Variants in SAMHD1 observed in about 807,000 individuals in gnomAD.
SAMHD1 encodes the protein SAM and HD domain containing deoxynucleoside triphosphate triphosphohydrolase 1.
A neutral mutation model predicts 79.6 loss-of-function variants in SAMHD1; 54 were observed. That is an observed-to-expected ratio of 0.68 (90% CI 0.55 to 0.85). The LOEUF (loss-of-function observed/expected upper bound fraction) is 0.85, where lower values mean the gene tolerates loss of function less well. Ranked by LOEUF, SAMHD1 falls within the 40% of genes least tolerant of loss-of-function variation. The pLI is 0.00. For synonymous variants in SAMHD1, 260 were observed against 264.1 expected (o/e 0.98, Z 0.15); for missense variants, 663 against 782.7 (o/e 0.85, Z 1.82).
At chr20:36,948,126 A>C (rs753755751) in intron 1 of SAMHD1, among the ~76,000 whole-genome samples, 19 of 152,140 alleles carry the variant, frequency 1.2e-4, no homozygotes, top group Non-Finnish European at 1.8e-4. Context: ...ATCATCGGTA[A>C]AATGTGTTGA....
intron 12 of SAMHD1, chr20:36,905,053 T>G: frequency 2.8e-6 from 1 of 362,364 alleles, no homozygotes; most frequent in Non-Finnish European, 5.2e-6. Flanking sequence ...ATTCATTTTC[T>G]CATGTCTGAA....
Position 36,892,924 on chromosome 20 carries a change from A to G in SAMHD1, c.*8T>C. 1.9e-6 allele frequency: 3 copies of G among 1,614,110 alleles called. No individual in the cohort carries two copies. The highest frequency in any genetic ancestry group is 2.5e-6 in the Non-Finnish European group (3 of 1,180,010). ...AGAGGGAGTTTGTAAACAACTGACT[A>G]CAGACATTCACATTGGGTCATCTTT... On this transcript the variant is annotated 3_prime_UTR_variant, in exon 16 of 16. Coordinates refer to ENST00000646673, the MANE Select transcript of SAMHD1 (RefSeq NM_015474.4).
rs1414377270 is a variant in SAMHD1 at position 36,897,753 on chromosome 20, T to TA, written c.1746+68dup. On this transcript the variant is annotated intron_variant, in intron 15 of 15. Transcript: ENST00000646673. Reference sequence around the variant, plus strand: ...ACTTAAATGGGAACTTTTCAGCAGATAGACTTACTTTTGGTTTTTACTTAA... The same window carrying TA: ...ACTTAAATGGGAACTTTTCAGCAGATAAGACTTACTTTTGGTTTTTACTTAA... 6.4e-6 allele frequency: 10 copies of TA among 1,569,338 alleles called. No homozygotes were observed. In the Admixed American group the frequency reaches 1.7e-4, roughly 26 times the overall value.
Position 36,941,027 on chromosome 20 carries a change from A to C in SAMHD1, c.348+12T>G, listed in dbSNP as rs759162001. 1 of 1,600,722 alleles carries C rather than the reference A, an allele frequency of 6.2e-7. No homozygotes were observed. The highest frequency in any genetic ancestry group is 8.6e-7 in the Non-Finnish European group (1 of 1,167,960). ...TATATTCAAAAAACATAACAAACTC[A>C]GATCCTCTTACCTTCATTGTATCAA... On this transcript the variant is annotated intron_variant, in intron 3 of 15. Coordinates refer to ENST00000646673, the MANE Select transcript of SAMHD1 (RefSeq NM_015474.4).
At chr20:36,905,546 C>G (rs566045913) in intron 11 of SAMHD1, 43 bp from the exon 12 acceptor site, 1 of 1,509,134 alleles carries the variant, frequency 6.6e-7, no homozygotes, top group African/African-American at 1.4e-5. Flanking sequence ...AATAAAAACA[C>G]AGAGTTAAAG....
At chr20:36,937,855 G>GTTT (rs1568780706) in intron 3 of SAMHD1, among the ~76,000 whole-genome samples, 6 of 125,366 alleles carry the variant, frequency 4.8e-5, no homozygotes, top group African/African-American at 2.1e-4. Flanking sequence ...AAACAATGTT[G>GTTT]GTTTGTTTTT....
At chr20:36,940,826 G>A in intron 3 of SAMHD1, 1 of 592,546 alleles carries the variant, frequency 1.7e-6, no homozygotes, top group Non-Finnish European at 3.0e-6. Context: ...GTCTACTTAT[G>A]CTTTTCTGTA....
chr20:36,936,161 C>G (rs527877009), intron 3 of SAMHD1, among the ~76,000 whole-genome samples: 204 of 152,000 alleles, frequency 1.3e-3, no homozygotes, highest in Non-Finnish European at 2.2e-3. Context: ...ATCCCTTGAG[C>G]CCCAGGGGAT....
intron 5 of SAMHD1, among the ~76,000 whole-genome samples, chr20:36,928,929 T>G (rs1394920143): frequency 6.6e-6 from 1 of 150,480 alleles, no homozygotes; most frequent in Non-Finnish European, 1.5e-5. Context: ...TGGTGGCATG[T>G]GCCTGTAGTC....
intron 3 of SAMHD1, among the ~76,000 whole-genome samples, chr20:36,936,674 G>A (rs1318581937): frequency 6.6e-6 from 1 of 151,926 alleles, no homozygotes; most frequent in Non-Finnish European, 1.5e-5. Flanking sequence ...TGTAATAACT[G>A]TCTTTTTTGT....
At chr20:36,943,413 G>A (rs1466023740) in intron 2 of SAMHD1, among the ~76,000 whole-genome samples, 4 of 152,122 alleles carry the variant, frequency 2.6e-5, no homozygotes, top group African/African-American at 9.7e-5. Flanking sequence ...TAATTTAAAC[G>A]TGAAGCTAGT....
chr20:36,916,676 G>A, intron 9 of SAMHD1, 46 bp downstream of exon 9: 1 of 1,337,572 alleles, frequency 7.5e-7, no homozygotes, highest in Non-Finnish European at 1.1e-6. Context: ...CCAAATTTCA[G>A]ACCAGGAACA....
At chr20:36,905,960 C>T (rs1425574547) in intron 11 of SAMHD1, among the ~76,000 whole-genome samples, 2 of 149,224 alleles carry the variant, frequency 1.3e-5, no homozygotes, top group Admixed American at 6.7e-5. Context: ...GCAACAAGAG[C>T]GAGAGACTGT....
At chr20:36,924,810 A>G (rs1427695188) in intron 6 of SAMHD1, among the ~76,000 whole-genome samples, 1 of 152,140 alleles carries the variant, frequency 6.6e-6, no homozygotes, top group Non-Finnish European at 1.5e-5. Flanking sequence ...ATGGGAAGTT[A>G]ATAAATGTTG....
chr20:36,899,813 G>A (rs942059379), intron 13 of SAMHD1, among the ~76,000 whole-genome samples: 1 of 152,074 alleles, frequency 6.6e-6, no homozygotes, highest in African/African-American at 2.4e-5. Flanking sequence ...AAACAAAAAT[G>A]TAAGAGGCGC....
Position 36,935,172 on chromosome 20 carries a change from G to C in SAMHD1, c.366C>G (p.Ile122Met). The C allele has an allele frequency of 6.2e-7, 1 of 1,612,998 alleles. No homozygotes were observed. The highest frequency in any genetic ancestry group is 8.5e-7 in the Non-Finnish European group (1 of 1,179,014). ...GAGGGTGGAGCTCAATGTGGCCATGGATAGGATCATTAATTACCTAGAAAA... is the reference window on the plus strand; with the variant it reads ...GAGGGTGGAGCTCAATGTGGCCATGCATAGGATCATTAATTACCTAGAAAA... ...VDTMKVINDP[I>M]HGHIELHPLL... is the part of the protein sequence containing the mutation. The change falls in exon 4 of 16, where the codon ATC (isoleucine) becomes ATG (methionine). Residue 122 changes from isoleucine to methionine, a missense_variant. Physicochemically the swap from Ile to Met is conservative, Grantham distance 10. Transcript: ENST00000646673.
At chr20:36,924,858 T>A (rs911298364) in intron 6 of SAMHD1, among the ~76,000 whole-genome samples, 4 of 152,058 alleles carry the variant, frequency 2.6e-5, no homozygotes, top group African/African-American at 9.7e-5. Flanking sequence ...GGATGAACTA[T>A]TAAAAAATTA....
In SAMHD1 at chr20:36,892,922, C is replaced by T. The variant is rs1370025792; in HGVS notation, c.*10G>A. On this transcript the variant is annotated 3_prime_UTR_variant, in exon 16 of 16. Transcript: ENST00000646673. ...GGAGAGGGAGTTTGTAAACAACTGA[C>T]TACAGACATTCACATTGGGTCATCT... is the stretch of plus-strand genomic sequence containing the variant. 6.2e-7 allele frequency: 1 copy of T among 1,613,800 alleles called. No individual in the cohort carries two copies. The highest frequency in any genetic ancestry group is 8.5e-7 in the Non-Finnish European group (1 of 1,180,028).
chr20:36,938,734 G>A (rs752949879), intron 3 of SAMHD1, among the ~76,000 whole-genome samples: 4 of 151,326 alleles, frequency 2.6e-5, no homozygotes, highest in Non-Finnish European at 5.9e-5. Flanking sequence ...TACTCAGGAA[G>A]CTGATTTAGG....
Sources: gnomAD v4.1 joint callset for allele counts (sites outside exome capture counted in the v4.1 genomes callset) on GRCh38, gnomAD v4.1.1 for gene constraint, MANE v1.5 for transcripts, NCBI Gene and HGNC (gene_info 2026-07-23, HGNC 2026-07-21) for gene names.